ATM: variants seen among roughly 807,000 people sequenced by gnomAD.
ATM encodes the protein serine-protein kinase ATM.
ATM carries 308 observed loss-of-function variants against 387.0 expected under a neutral mutation model. The ratio of observed to expected loss-of-function variants is 0.80; its 90% confidence interval spans 0.73 to 0.87. The LOEUF is 0.87. Ranked by LOEUF, ATM falls within the 40% of genes least tolerant of loss-of-function variation. The pLI is 0.00. For synonymous variants in ATM, 1,156 were observed against 1,187.3 expected, an observed-to-expected ratio of 0.97 and a Z score of 0.54; for missense variants, 3,312 against 3,560.9, an observed-to-expected ratio of 0.93 and a Z score of 1.78.
intron 1 of ATM, 125 bp from the exon 2 acceptor site, chr11:108,227,470 C>A: frequency 1.6e-6 from 1 of 610,918 alleles, no homozygotes; most frequent in South Asian, 2.3e-5. Context: ...TCTAATTGTA[C>A]AGTTAAATCT....
At chr11:108,335,579 T>G (rs903579859) in intron 55 of ATM, among the ~76,000 whole-genome samples, 8 of 152,222 alleles carry the variant, frequency 5.3e-5, no homozygotes, top group African/African-American at 1.9e-4. Context: ...GCTGTTTTAC[T>G]CAGGTGTTTG....
At chr11:108,321,543 A>T in intron 45 of ATM, 123 bp downstream of exon 45, 10 of 1,413,160 alleles carry the variant, frequency 7.1e-6, no homozygotes, top group Non-Finnish European at 9.8e-6. Flanking sequence ...AGCACTTTAG[A>T]AGGCTGAAGT....
At chr11:108,353,644 T>C (rs2089472606) in intron 59 of ATM, 122 bp from the exon 60 acceptor site, 1 of 779,310 alleles carries the variant, frequency 1.3e-6, no homozygotes, top group Non-Finnish European at 2.3e-6. Context: ...CTACTGTACA[T>C]ACTAGTGTTC....
intron 57 of ATM, among the ~76,000 whole-genome samples, chr11:108,344,503 G>A (rs2088031826): frequency 6.6e-6 from 1 of 152,112 alleles, no homozygotes; most frequent in Non-Finnish European, 1.5e-5. Flanking sequence ...TTATGCTATA[G>A]GCCTCATAAG....
chr11:108,317,331 T>A (rs765924415), intron 42 of ATM, 42 bp from the exon 43 acceptor site: 1 of 1,591,836 alleles, frequency 6.3e-7, no homozygotes, highest in South Asian at 1.1e-5. Context: ...TCTGTTGATA[T>A]CTTTGATTAC....
In ATM at chr11:108,307,881, T is replaced by A. The variant is rs925681886; in HGVS notation, c.5675-16T>A. ...AAGAATGCCTGGGACTGAGGGGAGA[T>A]ATTTTTGTTTGTCAGAGTCAGAGCA... is the stretch of plus-strand genomic sequence containing the variant. On this transcript the variant is annotated splice_polypyrimidine_tract_variant and intron_variant, in intron 37 of 62. Coordinates refer to ENST00000675843, the MANE Select transcript of ATM (RefSeq NM_000051.4). The A allele has an allele frequency of 6.3e-7, 1 of 1,596,626 alleles. No individual in the cohort carries two copies. The highest frequency in any genetic ancestry group is 1.7e-5 in the Admixed American group (1 of 59,982).
chr11:108,336,039 A>C (rs2086816036), intron 56 of ATM, 78 bp downstream of exon 56: 2 of 1,102,326 alleles, frequency 1.8e-6, no homozygotes, highest in Non-Finnish European at 2.7e-6. Context: ...GCTCATGCCC[A>C]TATTCATAAT....
chr11:108,327,607 A>C, intron 47 of ATM, 38 bp from the exon 48 acceptor site: 240 of 1,373,406 alleles, frequency 1.7e-4, no homozygotes, highest in Non-Finnish European at 2.3e-4. Context: ...CAGTCATGGT[A>C]ATGCATTATA....
intron 17 of ATM, 55 bp downstream of exon 17, chr11:108,267,397 A>G: frequency 6.6e-7 from 1 of 1,518,098 alleles, no homozygotes; most frequent in Non-Finnish European, 9.1e-7. Flanking sequence ...TTGATTTGGC[A>G]GTATAAGAGG....
At chr11:108,237,974 T>C (rs1156618400) in intron 5 of ATM, among the ~76,000 whole-genome samples, 1 of 148,008 alleles carries the variant, frequency 6.8e-6, no homozygotes, top group Admixed American at 6.8e-5. Context: ...TTGCCCAGGC[T>C]GGAGTGCAGT....
chr11:108,261,431 TAGA>T (rs2080880149), intron 16 of ATM, among the ~76,000 whole-genome samples: 2 of 152,120 alleles, frequency 1.3e-5, no homozygotes, highest in South Asian at 2.1e-4. Context: ...TTTTGTCTGT[TAGA>T]AGGAAAACTA....
In ATM at chr11:108,279,555, CA is replaced by C. The variant is rs2082120435; in HGVS notation, c.3352del (p.Thr1118GlnfsTer8). Reference protein sequence around the residue: ...LLKALPLKLQQTAFENAYLKA... With the variant: ...LLKALPLKLQXTAFENAYLKA... ...GAAAGCACTTCCTTTGAAGCTTCAG[CA>C]AACAGCTTTTGAAAATGCATACTTG... On this transcript the variant is annotated frameshift_variant, in exon 23 of 63. Transcript: ENST00000675843. LOFTEE classifies it high-confidence loss of function. 6.2e-7 allele frequency: 1 copy of C among 1,613,816 alleles called. No homozygotes were observed. Among genetic ancestry groups the C allele is most frequent in the Non-Finnish European group, 8.5e-7 (1 of 1,179,836 alleles).
chr11:108,330,373 C>G lies in ATM; in HGVS notation c.7467C>G (p.Ser2489=), dbSNP rs767846264. 6.2e-7 allele frequency: 1 copy of G among 1,614,112 alleles called. No homozygotes were observed. Among genetic ancestry groups the G allele is most frequent in the Non-Finnish European group, 8.5e-7 (1 of 1,180,008 alleles). The change falls in exon 50 of 63, where the codon TCC becomes TCG. Residue 2489 remains serine, a synonymous_variant. Coordinates refer to ENST00000675843, the MANE Select transcript of ATM (RefSeq NM_000051.4). ...EHDMWVFRLC[S]LWLENSGVSE... is the part of the protein sequence containing the mutation. ...ATATGTGGGTATTCCGACTTTGTTCCCTCTGGCTTGAAAATTCTGGAGTTT... is the reference window on the plus strand; with the variant it reads ...ATATGTGGGTATTCCGACTTTGTTCGCTCTGGCTTGAAAATTCTGGAGTTT...
intron 58 of ATM, among the ~76,000 whole-genome samples, chr11:108,347,026 T>C (rs912227647): frequency 1.3e-5 from 2 of 152,192 alleles, no homozygotes; most frequent in Admixed American, 1.3e-4. Flanking sequence ...TATTTTAAAA[T>C]GTGTGCCTAT....
At chr11:108,236,068 G>GA (rs1205750579) in intron 5 of ATM, 2 of 523,892 alleles carry the variant, frequency 3.8e-6, no homozygotes, top group Non-Finnish European at 3.4e-6. Flanking sequence ...AATTACAGTT[G>GA]AAAAATACCA....
At chr11:108,317,813 G>A (rs917549876) in intron 43 of ATM, among the ~76,000 whole-genome samples, 3 of 151,320 alleles carry the variant, frequency 2.0e-5, no homozygotes, top group African/African-American at 7.3e-5. Flanking sequence ...ACCTAGGCTT[G>A]AATTTTACTC....
In ATM at chr11:108,250,982, G is replaced by T. The variant is rs767683273; in HGVS notation, c.1517G>T (p.Gly506Val). 6.2e-7 allele frequency: 1 copy of T among 1,614,052 alleles called. No homozygotes were observed. The highest frequency in any genetic ancestry group is 8.5e-7 in the Non-Finnish European group (1 of 1,179,996). ...SSEQIQAENF[G>V]LLGAIIQGSL... is the part of the protein sequence containing the mutation. ...GAGCAAATACAAGCTGAAAACTTTG[G>T]CTTACTTGGAGCCATAATTCAGGGT... The change falls in exon 10 of 63, where the codon GGC becomes GTC. Residue 506 changes from glycine to valine, a missense_variant. Physicochemically the swap from Gly to Val is moderately radical, Grantham distance 109. Transcript: ENST00000675843.
At chr11:108,269,717 C>T (rs976325119) in intron 18 of ATM, among the ~76,000 whole-genome samples, 1 of 152,188 alleles carries the variant, frequency 6.6e-6, no homozygotes, top group African/African-American at 2.4e-5. Flanking sequence ...GTCACACATG[C>T]CTGGTGAGTC....
intron 32 of ATM, among the ~76,000 whole-genome samples, chr11:108,296,735 G>A (rs886821359): frequency 2.0e-5 from 3 of 152,146 alleles, no homozygotes; most frequent in African/African-American, 7.2e-5. Context: ...TCTGCCTTGT[G>A]CATTACAGCC....
Sources: allele counts gnomAD v4.1 joint callset (sites outside exome capture counted in the v4.1 genomes callset), GRCh38; gene constraint gnomAD v4.1.1; transcripts MANE v1.5; gene names NCBI Gene and HGNC (gene_info 2026-07-23, HGNC 2026-07-21).